The following SPON1 variants were observed in gnomAD, a reference collection of about 807,000 sequenced individuals.
SPON1 encodes spondin 1.
SPON1 carries 52 observed loss-of-function variants against 111.7 expected under a neutral mutation model. The observed-to-expected ratio is 0.47, with a 90% CI of 0.37 to 0.59. SPON1 has a LOEUF of 0.59. SPON1 is among the 20% of genes least tolerant of loss of function. The probability of loss-of-function intolerance (pLI) is 0.00; values close to 1 mark genes in which losing one functional copy is unlikely to be tolerated. For missense variants in SPON1, 957 were observed against 1,068.5 expected (o/e 0.90, Z 1.46); for synonymous variants, 410 against 395.8 (o/e 1.04, Z -0.43).
At chr11:14,193,103 T>C (rs1848365796) in intron 6 of SPON1, among the ~76,000 whole-genome samples, 1 of 152,152 alleles carries the variant, frequency 6.6e-6, no homozygotes, top group African/African-American at 2.4e-5. Context: ...TGCTCCAAAA[T>C]GTAAATGATG....
At chr11:14,237,649 C>T (rs1324557125) in intron 6 of SPON1, among the ~76,000 whole-genome samples, 2 of 152,170 alleles carry the variant, frequency 1.3e-5, no homozygotes, top group African/African-American at 2.4e-5. Flanking sequence ...TGTGTGGCTG[C>T]GTATCACTGC....
chr11:14,243,478 A>T, intron 7 of SPON1, 82 bp downstream of exon 7: 2 of 1,162,416 alleles, frequency 1.7e-6, no homozygotes, highest in South Asian at 1.3e-5. Context: ...ACCACATACC[A>T]GTTATGCTGT....
intron 6 of SPON1, among the ~76,000 whole-genome samples, chr11:14,136,245 G>A (rs1264533449): frequency 2.0e-5 from 3 of 152,200 alleles, no homozygotes; most frequent in Non-Finnish European, 4.4e-5. Context: ...TGGCTCAGTG[G>A]TGGTTTGCTG....
At chr11:14,211,756 C>T (rs1392402102) in intron 6 of SPON1, among the ~76,000 whole-genome samples, 1 of 151,996 alleles carries the variant, frequency 6.6e-6, no homozygotes, top group African/African-American at 2.4e-5. Flanking sequence ...TGCTACTGAC[C>T]TTTGAATTTT....
At chr11:14,258,146 T>C (rs1334465925) in intron 11 of SPON1, among the ~76,000 whole-genome samples, 2 of 152,234 alleles carry the variant, frequency 1.3e-5, no homozygotes, top group African/African-American at 4.8e-5. Flanking sequence ...CTAACAAACA[T>C]AGATACAACT....
At chr11:14,216,532 A>T (rs940272453) in intron 6 of SPON1, among the ~76,000 whole-genome samples, 2 of 152,300 alleles carry the variant, frequency 1.3e-5, no homozygotes, top group South Asian at 4.1e-4. Flanking sequence ...TCTATAACAG[A>T]ATACCACAGT....
intron 2 of SPON1, among the ~76,000 whole-genome samples, chr11:13,989,457 A>G (rs1848210797): frequency 6.6e-6 from 1 of 152,256 alleles, no homozygotes; most frequent in African/African-American, 2.4e-5. Context: ...TAGTCTGGCT[A>G]GCAGTCTATC....
intron 6 of SPON1, among the ~76,000 whole-genome samples, chr11:14,142,518 A>G (rs1847668371): frequency 6.6e-6 from 1 of 152,244 alleles, no homozygotes; most frequent in Non-Finnish European, 1.5e-5. Context: ...GCCTTCAAAT[A>G]TAGAAAGAGC....
chr11:14,263,995 C>T (rs1849226306), intron 15 of SPON1, among the ~76,000 whole-genome samples: 1 of 150,604 alleles, frequency 6.6e-6, no homozygotes, highest in Non-Finnish European at 1.5e-5. Context: ...CACCATTGCA[C>T]TCCAGTCTGG....
chr11:14,235,558 A>G (rs1848853891), intron 6 of SPON1, among the ~76,000 whole-genome samples: 1 of 151,766 alleles, frequency 6.6e-6, no homozygotes, highest in African/African-American at 2.4e-5. Context: ...AGGCACCTGT[A>G]GTCCCAGCTA....
At chr11:14,262,090 A>G (rs978210739) in intron 14 of SPON1, among the ~76,000 whole-genome samples, 1 of 152,202 alleles carries the variant, frequency 6.6e-6, no homozygotes, top group Non-Finnish European at 1.5e-5. Flanking sequence ...GTAAGAATTT[A>G]CTGGATCTCG....
intron 6 of SPON1, among the ~76,000 whole-genome samples, chr11:14,222,714 C>T (rs1016839485): frequency 1.3e-5 from 2 of 152,192 alleles, no homozygotes; most frequent in African/African-American, 4.8e-5. Context: ...TCCTTTCCCA[C>T]CACCAGTAAC....
At chr11:14,177,850 G>A (rs1848194486) in intron 6 of SPON1, among the ~76,000 whole-genome samples, 1 of 152,196 alleles carries the variant, frequency 6.6e-6, no homozygotes, top group East Asian at 1.9e-4. Flanking sequence ...GCAAGATGGA[G>A]TCAGTTAAGT....
intron 3 of SPON1, among the ~76,000 whole-genome samples, chr11:14,055,258 C>T (rs1193428442): frequency 1.3e-5 from 2 of 152,188 alleles, no homozygotes; most frequent in East Asian, 1.9e-4. Context: ...CATCAGTCAA[C>T]ATCTCGATAT....
intron 5 of SPON1, among the ~76,000 whole-genome samples, chr11:14,112,691 T>A (rs1849235160): frequency 6.6e-6 from 1 of 152,252 alleles, no homozygotes; most frequent in Non-Finnish European, 1.5e-5. Flanking sequence ...TTTTCATGCA[T>A]GTGTCAATTC....
chr11:14,093,280 CACATGAGGGT>C (rs1191302080), intron 5 of SPON1, among the ~76,000 whole-genome samples: 2 of 152,216 alleles, frequency 1.3e-5, no homozygotes, highest in African/African-American at 2.4e-5. Context: ...GCAGTGTAAC[CACATGAGGGT>C]GTCCTGGAGG....
intron 6 of SPON1, among the ~76,000 whole-genome samples, chr11:14,227,673 T>C (rs969221107): frequency 1.2e-4 from 18 of 152,152 alleles, no homozygotes; most frequent in Admixed American, 5.9e-4. Flanking sequence ...ATTCTACATT[T>C]ATTTACAGCT....
chr11:14,261,304 G>A (rs1361541038), intron 14 of SPON1, among the ~76,000 whole-genome samples: 1 of 152,160 alleles, frequency 6.6e-6, no homozygotes, highest in East Asian at 1.9e-4. Flanking sequence ...TCTCCAAGCA[G>A]AGCAAGCCAG....
intron 5 of SPON1, among the ~76,000 whole-genome samples, chr11:14,112,109 GAAA>G (rs782414747): frequency 7.6e-6 from 1 of 131,690 alleles, no homozygotes. Context: ...ATTTGCAGGG[GAAA>G]AAAAAAAAAA....
Sources: allele counts gnomAD v4.1 joint callset (sites outside exome capture counted in the v4.1 genomes callset), GRCh38; gene constraint gnomAD v4.1.1; transcripts MANE v1.5; gene names NCBI Gene and HGNC (gene_info 2026-07-23, HGNC 2026-07-21).